SHANK2: variants seen among roughly 807,000 people sequenced by gnomAD.
SHANK2 encodes SH3 and multiple ankyrin repeat domains 2, also known as SH3 and multiple ankyrin repeat domains protein 2.
Under a neutral mutation model 133.7 loss-of-function variants are expected in SHANK2, and 43 were observed. The observed-to-expected ratio is 0.32, with a 90% CI of 0.25 to 0.41. SHANK2 has a LOEUF of 0.41. SHANK2 is among the 10% of genes least tolerant of loss of function. The pLI is 1.00. For synonymous variants in SHANK2, 1,017 were observed against 952.8 expected (o/e 1.07, Z -1.24); for missense variants, 1,994 against 2,235.8 (o/e 0.89, Z 2.18).
intron 11 of SHANK2, among the ~76,000 whole-genome samples, chr11:70,894,677 A>G (rs1949907150): frequency 6.6e-6 from 1 of 152,134 alleles, no homozygotes; most frequent in Non-Finnish European, 1.5e-5. Flanking sequence ...GGCCCCAGTG[A>G]GGGTAGCCCA....
chr11:71,169,174 C>G (rs547707677), intron 2 of SHANK2, among the ~76,000 whole-genome samples: 1 of 152,128 alleles, frequency 6.6e-6, no homozygotes, highest in African/African-American at 2.4e-5. Flanking sequence ...ATGATGTGGT[C>G]GCCGTACTGG....
chr11:70,878,784 C>T (rs934292980), intron 11 of SHANK2, among the ~76,000 whole-genome samples: 6 of 152,190 alleles, frequency 3.9e-5, no homozygotes, highest in Admixed American at 6.5e-5. Flanking sequence ...CTCAAAGCAG[C>T]TCCCTTCCCA....
intron 2 of SHANK2, among the ~76,000 whole-genome samples, chr11:71,163,086 A>AC (rs1953054432): frequency 8.9e-6 from 1 of 111,938 alleles, no homozygotes; most frequent in African/African-American, 3.3e-5. Context: ...AAAAAAAAAA[A>AC]AAAAAAAATA....
chr11:70,601,063 CTAT>C (rs1565167884), intron 17 of SHANK2, among the ~76,000 whole-genome samples: 54 of 137,526 alleles, frequency 3.9e-4, no homozygotes, highest in African/African-American at 1.4e-3. Flanking sequence ...ATATCTATAT[CTAT>C]ATTTGAGATG....
At chr11:70,891,257 G>A (rs112817818) in intron 11 of SHANK2, among the ~76,000 whole-genome samples, 94 of 152,300 alleles carry the variant, frequency 6.2e-4, no homozygotes, top group African/African-American at 2.0e-3. Context: ...GCTCACGCCT[G>A]TAATCCCAGC....
At chr11:71,090,091 G>A (rs1403965205) in intron 8 of SHANK2, among the ~76,000 whole-genome samples, 2 of 11,090 alleles carry the variant, frequency 1.8e-4, no homozygotes, top group East Asian at 4.7e-3. Context: ...CACAGAACGT[G>A]TGTGTGTGTG....
chr11:70,627,732 T>C (rs2060923617), intron 17 of SHANK2, among the ~76,000 whole-genome samples: 1 of 152,266 alleles, frequency 6.6e-6, no homozygotes, highest in Admixed American at 6.5e-5. Context: ...GGTAATTTTA[T>C]ACAACATTTA....
At chr11:71,132,633 C>A (rs1390235239) in intron 3 of SHANK2, among the ~76,000 whole-genome samples, 2 of 152,176 alleles carry the variant, frequency 1.3e-5, no homozygotes, top group Non-Finnish European at 1.5e-5. Context: ...GAACCCAATA[C>A]GTAACAGAGG....
intron 2 of SHANK2, among the ~76,000 whole-genome samples, chr11:71,163,546 A>C (rs1470352413): frequency 2.6e-5 from 4 of 152,194 alleles, no homozygotes; most frequent in African/African-American, 9.6e-5. Flanking sequence ...TGTCAGTCCC[A>C]GGAGAATGTG....
At chr11:70,787,897 C>T (rs999180761) in intron 14 of SHANK2, among the ~76,000 whole-genome samples, 6 of 152,282 alleles carry the variant, frequency 3.9e-5, no homozygotes, top group African/African-American at 7.2e-5. Flanking sequence ...TCTCTGACCT[C>T]GTGTCAAATG....
chr11:70,675,576 C>G (rs1944890843), intron 15 of SHANK2, among the ~76,000 whole-genome samples: 1 of 152,168 alleles, frequency 6.6e-6, no homozygotes. Context: ...CAGACAATGA[C>G]AGAGAGAAAG....
chr11:70,641,553 T>C (rs2061182974), intron 17 of SHANK2, among the ~76,000 whole-genome samples: 1 of 152,162 alleles, frequency 6.6e-6, no homozygotes, highest in Admixed American at 6.5e-5. Flanking sequence ...CAGTTGAGAT[T>C]GCAGTCAACG....
At chr11:71,107,604 C>T (rs1951820774) in intron 6 of SHANK2, among the ~76,000 whole-genome samples, 1 of 152,234 alleles carries the variant, frequency 6.6e-6, no homozygotes, top group African/African-American at 2.4e-5. Context: ...AATTATGCTG[C>T]TCCACAACGG....
chr11:71,176,972 A>C (rs1953459042), intron 2 of SHANK2, among the ~76,000 whole-genome samples: 1 of 152,220 alleles, frequency 6.6e-6, no homozygotes, highest in Non-Finnish European at 1.5e-5. Context: ...CAGACTAGGG[A>C]AGGGAGACAT....
chr11:70,543,302 G>C (rs1349373569), intron 17 of SHANK2, among the ~76,000 whole-genome samples: 1 of 152,154 alleles, frequency 6.6e-6, no homozygotes, highest in Non-Finnish European at 1.5e-5. Flanking sequence ...CTAGTGAGAT[G>C]ACTGGTGGCT....
chr11:71,086,399 ATAT>A (rs1413038014), intron 8 of SHANK2, among the ~76,000 whole-genome samples: 19 of 131,252 alleles, frequency 1.4e-4, no homozygotes, highest in African/African-American at 4.7e-4. Context: ...GATATATGAT[ATAT>A]TATTTATAAT....
chr11:71,095,282 G>A (rs534760225), intron 6 of SHANK2, among the ~76,000 whole-genome samples: 16 of 152,320 alleles, frequency 1.1e-4, no homozygotes, highest in South Asian at 1.0e-3. Context: ...GAAGGATGCC[G>A]TCTGCCTTTG....
intron 14 of SHANK2, among the ~76,000 whole-genome samples, chr11:70,761,374 C>T (rs1446524375): frequency 3.9e-5 from 6 of 152,112 alleles, no homozygotes; most frequent in Non-Finnish European, 8.8e-5. Context: ...TTTCACTCTC[C>T]AGCACTGTGA....
chr11:70,932,775 G>A (rs911230376), intron 10 of SHANK2, among the ~76,000 whole-genome samples: 10 of 152,028 alleles, frequency 6.6e-5, no homozygotes, highest in Non-Finnish European at 1.5e-4. Flanking sequence ...GGTTGCCACA[G>A]AAAACAGAAA....
Sources: gnomAD v4.1 joint callset for allele counts (sites outside exome capture counted in the v4.1 genomes callset) on GRCh38, gnomAD v4.1.1 for gene constraint, MANE v1.5 for transcripts, NCBI Gene and HGNC (gene_info 2026-07-23, HGNC 2026-07-21) for gene names.